GALK2: variants seen among roughly 807,000 people sequenced by gnomAD.
The protein encoded by GALK2 is galactokinase 2.
In GALK2, 36 loss-of-function variants were observed where a neutral mutation model predicts 52.4. That is an observed-to-expected ratio of 0.69 (90% CI 0.53 to 0.91). The LOEUF (loss-of-function observed/expected upper bound fraction) is 0.91, where lower values mean the gene tolerates loss of function less well. Among genes scored for constraint, GALK2 ranks in the 40% least tolerant of loss-of-function variants. The pLI, the probability that GALK2 is intolerant of heterozygous loss-of-function variation, is 0.00. For synonymous variants in GALK2, 176 were observed against 199.1 expected (o/e 0.88, Z 0.98); for missense variants, 579 against 559.1 (o/e 1.04, Z -0.36).
At chr15:49,184,157 G>T (rs752895546) in intron 1 of GALK2, among the ~76,000 whole-genome samples, 5 of 151,680 alleles carry the variant, frequency 3.3e-5, no homozygotes, top group Non-Finnish European at 4.4e-5. Context: ...CCAGTATAAG[G>T]TGCATATATA....
At chr15:49,172,176 A>G (rs962231110) in intron 1 of GALK2, among the ~76,000 whole-genome samples, 2 of 152,190 alleles carry the variant, frequency 1.3e-5, no homozygotes, top group African/African-American at 4.8e-5. Context: ...ATCTATATTT[A>G]CCCTGTTTGG....
At chr15:49,281,039 G>A (rs138793619) in intron 5 of GALK2, among the ~76,000 whole-genome samples, 2,615 of 152,268 alleles carry the variant, frequency 0.017, 95 homozygotes, top group African/African-American at 0.06. Flanking sequence ...GTTTCGCCAT[G>A]TTGGCCAGGA....
chr15:49,319,195 C>CAA (rs1408007569), intron 8 of GALK2: 1 of 351,470 alleles, frequency 2.8e-6, no homozygotes, highest in African/African-American at 2.2e-5. Flanking sequence ...CTCAGATGAT[C>CAA]CACCTGCCTC....
At chr15:49,253,990 G>T (rs1365428109) in intron 5 of GALK2, among the ~76,000 whole-genome samples, 2 of 144,018 alleles carry the variant, frequency 1.4e-5, no homozygotes, top group Admixed American at 1.4e-4. Flanking sequence ...AATCTTGAAG[G>T]ACATATAAAT....
At chr15:49,293,548 G>T (rs2034150446) in intron 8 of GALK2, among the ~76,000 whole-genome samples, 1 of 152,224 alleles carries the variant, frequency 6.6e-6, no homozygotes, top group Non-Finnish European at 1.5e-5. Flanking sequence ...TTGTGATAGA[G>T]ATTAAATAGT....
intron 5 of GALK2, among the ~76,000 whole-genome samples, chr15:49,269,118 C>CT (rs1353211125): frequency 6.6e-6 from 1 of 152,092 alleles, no homozygotes; most frequent in Non-Finnish European, 1.5e-5. Flanking sequence ...TCTAGGTCAG[C>CT]TTTTTGCCTT....
chr15:49,214,734 T>G (rs575955063), intron 2 of GALK2, among the ~76,000 whole-genome samples: 12 of 152,294 alleles, frequency 7.9e-5, no homozygotes, highest in Admixed American at 7.2e-4. Context: ...TTAATCTTCC[T>G]ACTAAGATAT....
At chr15:49,335,305 C>T (rs2039514956), downstream of GALK2, 1 of 662,574 alleles carries the variant, frequency 1.5e-6, no homozygotes, top group African/African-American at 1.8e-5. Context: ...CTATAAGATG[C>T]TCAGACATGA....
In GALK2 at chr15:49,295,415, A is replaced by T. The variant is rs893038363; in HGVS notation, c.967+2878A>T. 3.3e-5 allele frequency among the ~76,000 whole-genome samples: 5 copies of T among 152,126 alleles called. No individual in the cohort carries two copies. The East Asian group carries it at 7.7e-4, about 24-fold the overall frequency. On this transcript the variant is annotated intron_variant, in intron 8 of 9. Transcript: ENST00000560031. ...GTGTGATAGCAAGATATCTAAATAGAGATGTAAAACAGGTAAAGATCCAAA... is the reference window on the plus strand; with the variant it reads ...GTGTGATAGCAAGATATCTAAATAGTGATGTAAAACAGGTAAAGATCCAAA...
intron 5 of GALK2, among the ~76,000 whole-genome samples, chr15:49,243,022 A>G (rs1423054066): frequency 6.6e-6 from 1 of 152,200 alleles, no homozygotes; most frequent in African/African-American, 2.4e-5. Context: ...AGGCGAATGG[A>G]GAAAGGTCAG....
In GALK2 at chr15:49,348,435, A is replaced by C. The variant is rs80327759; in HGVS notation, c.427-19056A>C. On this transcript the variant is annotated intron_variant, in intron 3 of 3. Transcript: ENST00000558399. ...TGAAATTTGATATATCACTAAAAAA[A>C]CAGAAAACAGACACATGTGAGGCAA... 5.6e-3 allele frequency among the ~76,000 whole-genome samples: 857 copies of C among 152,330 alleles called. 6 individuals carry two copies. Among genetic ancestry groups the C allele is most frequent in the African/African-American group, 0.02 (817 of 41,572 alleles).
chr15:49,330,739 A>T lies in GALK2; in HGVS notation c.*2580A>T, dbSNP rs1312929493. Reference sequence around the variant, plus strand: ...TGTCCCTATCAATAGTAGGGAAGATAGACCAAAAAAAAAAAAAAAGAGAGA... The same window carrying T: ...TGTCCCTATCAATAGTAGGGAAGATTGACCAAAAAAAAAAAAAAAGAGAGA... On this transcript the variant is annotated 3_prime_UTR_variant, in exon 10 of 10. Transcript: ENST00000560031. 1 of 147,654 alleles carries T rather than the reference A, an allele frequency of 6.8e-6. No homozygotes were observed. The highest frequency in any genetic ancestry group is 2.2e-4 in the South Asian group (1 of 4,598). 9.1% of individuals were successfully genotyped at this position (147,654 alleles called of 1,614,324 possible).
At chr15:49,190,012 C>T (rs2086615446) in intron 1 of GALK2, among the ~76,000 whole-genome samples, 1 of 151,996 alleles carries the variant, frequency 6.6e-6, no homozygotes, top group Non-Finnish European at 1.5e-5. Flanking sequence ...CCTCTTTAAT[C>T]TTTTTTATTG....
upstream of GALK2, among the ~76,000 whole-genome samples, chr15:49,168,757 C>A (rs1310015636): frequency 7.5e-6 from 1 of 132,764 alleles, no homozygotes; most frequent in Non-Finnish European, 1.6e-5. Context: ...TCTGTATTTA[C>A]TGATGTCCCT....
downstream of GALK2, chr15:49,334,375 T>A (rs895013225): frequency 3.4e-6 from 1 of 295,270 alleles, no homozygotes; most frequent in Non-Finnish European, 5.0e-6. Context: ...AATTTACTGA[T>A]ATACACGTGT....
chr15:49,264,322 A>G (rs2092268702), intron 5 of GALK2, among the ~76,000 whole-genome samples: 2 of 151,728 alleles, frequency 1.3e-5, no homozygotes, highest in Non-Finnish European at 2.9e-5. Flanking sequence ...CATTCATTTC[A>G]TCTTCCATCA....
chr15:49,314,497 C>T (rs1242237865), intron 8 of GALK2, among the ~76,000 whole-genome samples: 1 of 152,158 alleles, frequency 6.6e-6, no homozygotes, highest in Non-Finnish European at 1.5e-5. Flanking sequence ...CCTTTATATT[C>T]CATATTGTAC....
At chr15:49,266,601 T>G (rs1595894912) in intron 5 of GALK2, among the ~76,000 whole-genome samples, 1 of 152,120 alleles carries the variant, frequency 6.6e-6, no homozygotes, top group African/African-American at 2.4e-5. Context: ...TATGATCATA[T>G]GAGATAGACA....
intron 6 of GALK2, among the ~76,000 whole-genome samples, chr15:49,282,923 ATGT>A (rs1219580759): frequency 1.3e-5 from 2 of 152,176 alleles, no homozygotes; most frequent in African/African-American, 4.8e-5. Flanking sequence ...CAGAGTCCTG[ATGT>A]TAATGTAAGT....
Sources: gnomAD v4.1 joint callset for allele counts (sites outside exome capture counted in the v4.1 genomes callset) on GRCh38, gnomAD v4.1.1 for gene constraint, MANE v1.5 for transcripts, NCBI Gene and HGNC (gene_info 2026-07-23, HGNC 2026-07-21) for gene names.